SLC37A3: variants seen among roughly 807,000 people sequenced by gnomAD.
The protein encoded by SLC37A3 is solute carrier family 37 member 3.
SLC37A3 carries 51 observed loss-of-function variants against 67.1 expected under a neutral mutation model. The ratio of observed to expected loss-of-function variants is 0.76; its 90% confidence interval spans 0.61 to 0.96. SLC37A3 has a LOEUF of 0.96. Among genes scored for constraint, SLC37A3 ranks in the 40% least tolerant of loss-of-function variants. The pLI, the probability that SLC37A3 is intolerant of heterozygous loss-of-function variation, is 0.00. For synonymous variants in SLC37A3, 214 were observed against 231.4 expected, an observed-to-expected ratio of 0.92 and a Z score of 0.68; for missense variants, 508 against 603.0, an observed-to-expected ratio of 0.84 and a Z score of 1.65.
intron 5 of SLC37A3, 90 bp downstream of exon 5, chr7:140,364,318 C>A: frequency 8.4e-7 from 1 of 1,196,058 alleles, no homozygotes; most frequent in Non-Finnish European, 1.2e-6. Context: ...GAGGATTAAT[C>A]TTACTATTCT....
chr7:140,364,620 T>C (rs1157786793), intron 4 of SLC37A3, 129 bp from the exon 5 acceptor site: 2 of 769,752 alleles, frequency 2.6e-6, no homozygotes, highest in African/African-American at 3.5e-5. Flanking sequence ...ATGCCGAGGC[T>C]ACCTGTCTAC....
At chr7:140,390,543 T>C (rs767908270) in intron 1 of SLC37A3, among the ~76,000 whole-genome samples, 1 of 152,092 alleles carries the variant, frequency 6.6e-6, no homozygotes, top group Non-Finnish European at 1.5e-5. Flanking sequence ...CCAGCTTCTT[T>C]GAAACTCACA....
At chr7:140,393,215 C>T (rs1486463791) in intron 1 of SLC37A3, among the ~76,000 whole-genome samples, 4 of 152,170 alleles carry the variant, frequency 2.6e-5, no homozygotes, top group Non-Finnish European at 5.9e-5. Flanking sequence ...TGCACACATA[C>T]CAGGCAGAGC....
intron 5 of SLC37A3, among the ~76,000 whole-genome samples, chr7:140,363,669 G>T (rs1797464034): frequency 1.1e-5 from 1 of 94,348 alleles, no homozygotes. Flanking sequence ...CCCTCTGCGA[G>T]AAACACCCAA....
At chr7:140,373,389 C>T (rs1311621674) in intron 3 of SLC37A3, among the ~76,000 whole-genome samples, 1 of 152,188 alleles carries the variant, frequency 6.6e-6, no homozygotes, top group East Asian at 1.9e-4. Context: ...TACTTGGCAT[C>T]TATTTCCTCA....
chr7:140,381,524 C>CAAAT (rs973813393), intron 2 of SLC37A3, among the ~76,000 whole-genome samples: 3 of 151,428 alleles, frequency 2.0e-5, no homozygotes, highest in Non-Finnish European at 1.5e-5. Context: ...GATCCCATCT[C>CAAAT]AAATAAATAA....
chr7:140,392,777 T>A (rs1798770292), intron 1 of SLC37A3, among the ~76,000 whole-genome samples: 1 of 152,128 alleles, frequency 6.6e-6, no homozygotes, highest in African/African-American at 2.4e-5. Context: ...TTTCAACTGG[T>A]ATTATATGCC....
chr7:140,392,387 T>C (rs1038630051), intron 1 of SLC37A3, among the ~76,000 whole-genome samples: 3 of 152,116 alleles, frequency 2.0e-5, no homozygotes, highest in Non-Finnish European at 4.4e-5. Flanking sequence ...TCCAGTCCTT[T>C]TCACCTCCAA....
intron 4 of SLC37A3, among the ~76,000 whole-genome samples, chr7:140,365,635 C>T (rs975889600): frequency 2.6e-5 from 4 of 152,114 alleles, no homozygotes; most frequent in Admixed American, 6.6e-5. Flanking sequence ...GCAGGAGAAT[C>T]ACTTGAACCC....
intron 13 of SLC37A3, among the ~76,000 whole-genome samples, chr7:140,340,942 AAT>A (rs1796338136): frequency 7.7e-6 from 1 of 130,066 alleles, no homozygotes; most frequent in Non-Finnish European, 1.6e-5. Context: ...AAAAAAAAAA[AAT>A]AGAGAGAGAG....
At chr7:140,354,063 G>A (rs1461191113) in intron 7 of SLC37A3, among the ~76,000 whole-genome samples, 2 of 152,172 alleles carry the variant, frequency 1.3e-5, no homozygotes, top group Admixed American at 1.3e-4. Flanking sequence ...TTCATACAGA[G>A]CTTCCTCATT....
intron 3 of SLC37A3, among the ~76,000 whole-genome samples, chr7:140,374,544 C>CG (rs1008061325): frequency 1.7e-4 from 25 of 150,994 alleles, no homozygotes; most frequent in African/African-American, 5.6e-4. Context: ...TTAAAGAGGC[C>CG]GGGTGCGGTA....
At chr7:140,361,552 T>G (rs1278915756) in intron 5 of SLC37A3, among the ~76,000 whole-genome samples, 1 of 98,554 alleles carries the variant, frequency 1.0e-5, no homozygotes, top group African/African-American at 4.1e-5. Flanking sequence ...CCTCTCCGTC[T>G]CCCTCTCTCT....
chr7:140,373,320 C>G (rs565377505), intron 3 of SLC37A3, among the ~76,000 whole-genome samples: 93 of 152,258 alleles, frequency 6.1e-4, no homozygotes, highest in African/African-American at 2.2e-3. Flanking sequence ...GATACCAAAG[C>G]AGCTGGAACA....
At chr7:140,389,515 G>C (rs766559413) in intron 1 of SLC37A3, among the ~76,000 whole-genome samples, 1 of 152,072 alleles carries the variant, frequency 6.6e-6, no homozygotes, top group African/African-American at 2.4e-5. Flanking sequence ...TCTGATCCCC[G>C]ACTGCTCGGG....
At chr7:140,371,167 T>C (rs1474640788) in intron 3 of SLC37A3, among the ~76,000 whole-genome samples, 1 of 152,118 alleles carries the variant, frequency 6.6e-6, no homozygotes, top group Admixed American at 6.6e-5. Flanking sequence ...ACGAATTCTT[T>C]CTATTTTTAT....
intron 1 of SLC37A3, among the ~76,000 whole-genome samples, chr7:140,383,142 C>G (rs1198118607): frequency 6.6e-6 from 1 of 151,712 alleles, no homozygotes; most frequent in Non-Finnish European, 1.5e-5. Context: ...GGGCTGCTCT[C>G]TCTATGCAGT....
At chr7:140,342,857 A>G (rs1454534976) in intron 13 of SLC37A3, among the ~76,000 whole-genome samples, 1 of 152,232 alleles carries the variant, frequency 6.6e-6, no homozygotes, top group African/African-American at 2.4e-5. Flanking sequence ...TGAGTGTCCC[A>G]GATGATTCTG....
At chr7:140,391,523 T>G (rs1798725027) in intron 1 of SLC37A3, among the ~76,000 whole-genome samples, 1 of 152,180 alleles carries the variant, frequency 6.6e-6, no homozygotes, top group Non-Finnish European at 1.5e-5. Context: ...GCCACTGCAC[T>G]CCGGTCTGGG....
Sources: allele counts gnomAD v4.1 joint callset (sites outside exome capture counted in the v4.1 genomes callset), GRCh38; gene constraint gnomAD v4.1.1; transcripts MANE v1.5; gene names NCBI Gene and HGNC (gene_info 2026-07-23, HGNC 2026-07-21).